The following NOL10 variants were observed in gnomAD, a reference collection of about 807,000 sequenced individuals.
NOL10 encodes nucleolar protein 10.
A neutral mutation model predicts 103.5 loss-of-function variants in NOL10; 58 were observed. The observed-to-expected ratio is 0.56, with a 90% CI of 0.45 to 0.70. The LOEUF is 0.70. NOL10 is among the 30% of genes least tolerant of loss of function. The probability of loss-of-function intolerance (pLI) is 0.00; values close to 1 mark genes in which losing one functional copy is unlikely to be tolerated. For missense variants in NOL10, 763 were observed against 807.3 expected, an observed-to-expected ratio of 0.95 and a Z score of 0.67; for synonymous variants, 287 against 282.5, an observed-to-expected ratio of 1.02 and a Z score of -0.16.
intron 14 of NOL10, among the ~76,000 whole-genome samples, chr2:10,605,095 G>A (rs1351142509): frequency 6.6e-6 from 1 of 152,204 alleles, no homozygotes; most frequent in African/African-American, 2.4e-5. Flanking sequence ...TTTTACATAT[G>A]AGGAAACCAA....
At chr2:10,622,488 C>CAAAA (rs77285222) in intron 13 of NOL10, among the ~76,000 whole-genome samples, 6 of 124,850 alleles carry the variant, frequency 4.8e-5, no homozygotes, top group Non-Finnish European at 9.8e-5. Flanking sequence ...GAGCGTTTTT[C>CAAAA]AAAAAAAAAG....
In NOL10 at chr2:10,659,199, G is replaced by A; in HGVS notation, c.729C>T (p.Thr243=). The A allele has an allele frequency of 6.2e-7, 1 of 1,604,908 alleles. No individual in the cohort carries two copies. Among genetic ancestry groups the A allele is most frequent in the East Asian group, 2.2e-5 (1 of 44,724 alleles). The part of the protein sequence containing the change: ...ISALKFNGAL[T]MAVGTTTGQV... ...GCCCTGTGGTTGTTCCAACTGCCAT[G>A]GTCAAGGCACCATTAAATTTCAAAG... The change falls in exon 10 of 21, where the codon ACC becomes ACT. Residue 243 remains threonine (T), a synonymous_variant. Transcript: ENST00000381685.
intron 13 of NOL10, among the ~76,000 whole-genome samples, chr2:10,636,608 T>C (rs1678244120): frequency 1.1e-5 from 1 of 93,636 alleles, no homozygotes. Flanking sequence ...CGACCTTCAA[T>C]CAAAGAAAAA....
chr2:10,591,900 G>A (rs1015444119), intron 17 of NOL10, among the ~76,000 whole-genome samples: 1 of 152,160 alleles, frequency 6.6e-6, no homozygotes, highest in African/African-American at 2.4e-5. Context: ...CTACTTGGAA[G>A]GCTGAGGTAG....
At chr2:10,636,694 C>T (rs1678251880) in intron 13 of NOL10, among the ~76,000 whole-genome samples, 1 of 151,678 alleles carries the variant, frequency 6.6e-6, no homozygotes, top group African/African-American at 2.4e-5. Context: ...TGCCAAAACA[C>T]ACCAGAACAG....
At chr2:10,591,201 A>G (rs2024431) in intron 17 of NOL10, among the ~76,000 whole-genome samples, 90,172 of 152,024 alleles carry the variant, frequency 0.59, 27,786 homozygotes, top group African/African-American at 0.74. Flanking sequence ...AAAGACTTAC[A>G]ACGAAGGGAA....
At chr2:10,592,647 T>C (rs1455428104) in intron 17 of NOL10, among the ~76,000 whole-genome samples, 1 of 152,252 alleles carries the variant, frequency 6.6e-6, no homozygotes, top group Non-Finnish European at 1.5e-5. Context: ...TCTTACTATA[T>C]TTATTAAAGT....
chr2:10,587,160 C>CACAT (rs1558270435), intron 19 of NOL10, among the ~76,000 whole-genome samples: 351 of 22,680 alleles, frequency 0.015, 114 homozygotes, highest in African/African-American at 0.12. Context: ...CATATATACA[C>CACAT]ATATATACAC....
In NOL10 at chr2:10,668,739, G is replaced by A. The variant is rs1480782974; in HGVS notation, c.465-16C>T. 2 of 1,303,506 alleles carry A rather than the reference G, an allele frequency of 1.5e-6. No homozygotes were observed. Among genetic ancestry groups the A allele is most frequent in the Non-Finnish European group, 2.1e-6 (2 of 952,328 alleles). The allele number at this position is 1,303,506 out of a possible 1,614,324, so 80.7% of individuals were successfully genotyped here. A position where few individuals can be genotyped will look rare whatever the true frequency, so the allele number is the denominator to read the frequency against. On this transcript the variant is annotated splice_polypyrimidine_tract_variant and intron_variant, in intron 6 of 20. Transcript: ENST00000381685. Reference sequence around the variant, plus strand: ...AACTTCAGAACTGTAAAGTAATAAAGAAAGTTAAAAACCTGCTAAACTACA... The same window carrying A: ...AACTTCAGAACTGTAAAGTAATAAAAAAAGTTAAAAACCTGCTAAACTACA...
chr2:10,655,044 T>C (rs1679744186), intron 11 of NOL10, among the ~76,000 whole-genome samples: 1 of 151,866 alleles, frequency 6.6e-6, no homozygotes, highest in African/African-American at 2.4e-5. Context: ...ACTCCGACTC[T>C]ACTAAAAACA....
chr2:10,610,060 G>A (rs527336977), intron 13 of NOL10, among the ~76,000 whole-genome samples: 7 of 152,236 alleles, frequency 4.6e-5, no homozygotes, highest in African/African-American at 1.7e-4. Context: ...TCCTTATTCA[G>A]ACAAAAACAC....
At chr2:10,598,549 G>A (rs1256515279) in intron 17 of NOL10, among the ~76,000 whole-genome samples, 1 of 152,098 alleles carries the variant, frequency 6.6e-6, no homozygotes, top group Non-Finnish European at 1.5e-5. Context: ...AAACAAATGA[G>A]GAAAACAGCT....
intron 13 of NOL10, among the ~76,000 whole-genome samples, chr2:10,635,639 C>T (rs968563748): frequency 6.6e-6 from 1 of 152,152 alleles, no homozygotes; most frequent in African/African-American, 2.4e-5. Context: ...CTTCACAGCG[C>T]TTAGTCACAG....
chr2:10,642,752 G>A (rs919344049), intron 13 of NOL10, among the ~76,000 whole-genome samples: 18 of 152,110 alleles, frequency 1.2e-4, no homozygotes, highest in African/African-American at 3.4e-4. Flanking sequence ...GCTATCCTTC[G>A]GTCCCTCCTT....
chr2:10,668,836 A>G (rs529281878), intron 6 of NOL10, 113 bp from the exon 7 acceptor site: 2 of 375,982 alleles, frequency 5.3e-6, no homozygotes, highest in Non-Finnish European at 9.6e-6. Flanking sequence ...CTTTTGTAAC[A>G]CTGATACAAA....
chr2:10,624,421 A>C (rs905054975), intron 13 of NOL10, among the ~76,000 whole-genome samples: 1 of 152,110 alleles, frequency 6.6e-6, no homozygotes, highest in Non-Finnish European at 1.5e-5. Flanking sequence ...CCTCAGAAAA[A>C]GATATTAAAA....
intron 19 of NOL10, among the ~76,000 whole-genome samples, chr2:10,579,097 C>A (rs955580971): frequency 6.6e-6 from 1 of 152,186 alleles, no homozygotes; most frequent in South Asian, 2.1e-4. Context: ...CTTTGAAATT[C>A]TGAAGCTAAT....
chr2:10,601,991 G>A (rs921157853), intron 16 of NOL10, among the ~76,000 whole-genome samples: 3 of 152,258 alleles, frequency 2.0e-5, no homozygotes, highest in African/African-American at 7.2e-5. Flanking sequence ...CAGACAGACT[G>A]CAAGGCAGGT....
In NOL10 at chr2:10,587,073, A is replaced by C. The variant is rs1227313637; in HGVS notation, c.1844+1970T>G. On this transcript the variant is annotated intron_variant, in intron 19 of 20. Transcript: ENST00000381685. ...TATATATACATATATATATACATAT[A>C]TATACATATATATACATATATATAC... 1.3e-4 allele frequency among the ~76,000 whole-genome samples: 5 copies of C among 38,806 alleles called. 2 individuals carry two copies. Among genetic ancestry groups the C allele is most frequent in the Admixed American group, 1.1e-3 (5 of 4,582 alleles). The allele number at this position is 38,806 out of a possible 152,430, so 25.5% of individuals were successfully genotyped here.
Sources: allele counts gnomAD v4.1 joint callset (sites outside exome capture counted in the v4.1 genomes callset), GRCh38; gene constraint gnomAD v4.1.1; transcripts MANE v1.5; gene names NCBI Gene and HGNC (gene_info 2026-07-23, HGNC 2026-07-21).